The following CCDC112 variants were observed in gnomAD, a reference collection of about 807,000 sequenced individuals.
The protein encoded by CCDC112 is coiled-coil domain containing 112, also known as coiled-coil domain-containing protein 112.
In CCDC112, 40 loss-of-function variants were observed where a neutral mutation model predicts 66.3. The ratio of observed to expected loss-of-function variants is 0.60; its 90% CI spans 0.47 to 0.79. The LOEUF (loss-of-function observed/expected upper bound fraction) is 0.79, where lower values mean the gene tolerates loss of function less well. CCDC112 is among the 30% of genes least tolerant of loss of function. The probability of loss-of-function intolerance (pLI) is 0.00; values close to 1 mark genes in which losing one functional copy is unlikely to be tolerated. For synonymous variants in CCDC112, 214 were observed against 197.2 expected, an observed-to-expected ratio of 1.09 and a Z score of -0.71; for missense variants, 659 against 603.8, an observed-to-expected ratio of 1.09 and a Z score of -0.96.
chr5:115,295,236 TAAC>T (rs1411840649), intron 1 of CCDC112, among the ~76,000 whole-genome samples: 1 of 152,108 alleles, frequency 6.6e-6, no homozygotes, highest in Non-Finnish European at 1.5e-5. Flanking sequence ...TGTGCATCAA[TAAC>T]AACATTAGGC....
At chr5:115,280,640 C>A (rs1312449678) in intron 2 of CCDC112, among the ~76,000 whole-genome samples, 2 of 151,796 alleles carry the variant, frequency 1.3e-5, no homozygotes, top group Admixed American at 6.6e-5. Flanking sequence ...GCAGCCTTGA[C>A]CTCCCTGGCT....
chr5:115,288,777 C>A (rs1428160042), intron 1 of CCDC112, among the ~76,000 whole-genome samples: 1 of 151,992 alleles, frequency 6.6e-6, no homozygotes, highest in Non-Finnish European at 1.5e-5. Context: ...TCTGGTTGTA[C>A]CAAAAAATAA....
At chr5:115,286,131 C>T (rs920176004) in intron 1 of CCDC112, among the ~76,000 whole-genome samples, 5 of 152,196 alleles carry the variant, frequency 3.3e-5, no homozygotes, top group Admixed American at 3.3e-4. Context: ...TTGTAACCAT[C>T]ATGACTACCC....
At chr5:115,269,521 A>C (rs536662012) in intron 8 of CCDC112, 182 bp downstream of exon 8, 1 of 530,628 alleles carries the variant, frequency 1.9e-6, no homozygotes, top group South Asian at 2.5e-5. Flanking sequence ...AAATGACAGA[A>C]TTCAAATAAT....
At chr5:115,290,278 A>G (rs571618032) in intron 1 of CCDC112, among the ~76,000 whole-genome samples, 1 of 152,172 alleles carries the variant, frequency 6.6e-6, no homozygotes, top group Non-Finnish European at 1.5e-5. Flanking sequence ...CCTTTTGAAA[A>G]TCATCTGCCC....
Position 115,267,333 on chromosome 5 carries a change from C to T in CCDC112, c.*543G>A, listed in dbSNP as rs1488943653. On this transcript the variant is annotated 3_prime_UTR_variant, in exon 10 of 10. Transcript: ENST00000379611. Reference sequence around the variant, plus strand: ...GAGACATATTTTTAAAATAAATATTCTCTATATAAAACAAAGCATGCTTCA... The same window carrying T: ...GAGACATATTTTTAAAATAAATATTTTCTATATAAAACAAAGCATGCTTCA... 6.5e-6 allele frequency: 1 copy of T among 152,752 alleles called. No individual in the cohort carries two copies. Among genetic ancestry groups the T allele is most frequent in the African/African-American group, 2.4e-5 (1 of 41,422 alleles). The allele number at this position is 152,752 out of a possible 1,614,324, so 9.5% of individuals were successfully genotyped here.
intron 1 of CCDC112, among the ~76,000 whole-genome samples, chr5:115,292,499 CAG>C (rs905561956): frequency 6.6e-6 from 1 of 152,202 alleles, no homozygotes; most frequent in Admixed American, 6.5e-5. Flanking sequence ...CAGTATTCCT[CAG>C]AGACAGTTCC....
At chr5:115,290,996 A>C (rs1265246985) in intron 1 of CCDC112, among the ~76,000 whole-genome samples, 2 of 152,082 alleles carry the variant, frequency 1.3e-5, no homozygotes, top group East Asian at 1.9e-4. Flanking sequence ...TTCTTGCCTA[A>C]TTGCCCTAGT....
chr5:115,270,521 G>T (rs1393140629), intron 7 of CCDC112, among the ~76,000 whole-genome samples: 2 of 151,878 alleles, frequency 1.3e-5, no homozygotes, highest in Non-Finnish European at 2.9e-5. Context: ...CAATAATCTC[G>T]ATTCCTTTAA....
At chr5:115,286,176 C>T (rs984505971) in intron 1 of CCDC112, among the ~76,000 whole-genome samples, 5 of 152,110 alleles carry the variant, frequency 3.3e-5, no homozygotes, top group African/African-American at 1.2e-4. Context: ...CAAAAAGAAA[C>T]CTCATACCTA....
chr5:115,277,998 C>A (rs1467391622), intron 3 of CCDC112, among the ~76,000 whole-genome samples: 1 of 151,998 alleles, frequency 6.6e-6, no homozygotes, highest in East Asian at 1.9e-4. Context: ...GGTTTGCAGT[C>A]AGTGTGAACA....
At position 115,275,457 on chromosome 5, in the gene CCDC112, G is replaced by C. The variant is rs369831942; in HGVS notation, c.677C>G (p.Pro226Arg). 6.2e-7 allele frequency: 1 copy of C among 1,613,958 alleles called. No homozygotes were observed. The highest frequency in any genetic ancestry group is 8.5e-7 in the Non-Finnish European group (1 of 1,179,946). ...SSKVPVDKVT[P>R]STLPEEVLDF... ...TAGTACCTCTTCTGGAAGAGTACTTGGTGTTACTTTGTCTACAGGAACTTT... is the reference window on the plus strand; with the variant it reads ...TAGTACCTCTTCTGGAAGAGTACTTCGTGTTACTTTGTCTACAGGAACTTT... Residue 226 changes from proline (P) to arginine (R), a missense_variant, in exon 6 of 10, where the codon CCA becomes CGA. Coordinates refer to ENST00000379611, the MANE Select transcript of CCDC112 (RefSeq NM_001040440.3).
At chr5:115,287,119 T>C (rs148243901) in intron 1 of CCDC112, among the ~76,000 whole-genome samples, 158 of 152,342 alleles carry the variant, frequency 1.0e-3, no homozygotes, top group African/African-American at 3.5e-3. Flanking sequence ...TTTTCCACAG[T>C]GGCAGCACCA....
At chr5:115,284,582 T>G (rs1241334846) in intron 2 of CCDC112, among the ~76,000 whole-genome samples, 1 of 152,150 alleles carries the variant, frequency 6.6e-6, no homozygotes, top group African/African-American at 2.4e-5. Context: ...TAAAGAAAAT[T>G]GAAATAACTC....
rs199764447 is a variant in CCDC112, at chr5:115,284,756, T to C, written c.239+31A>G. ...TTGTCCATTATAAAATGGCTAGTAA[T>C]GTTATTTGAAGATTATATTCTTATA... On this transcript the variant is annotated intron_variant, in intron 2 of 9. Coordinates refer to ENST00000379611, the MANE Select transcript of CCDC112 (RefSeq NM_001040440.3). The C allele has an allele frequency of 3.9e-6, 6 of 1,530,280 alleles. No individual in the cohort carries two copies. The Admixed American group carries it at 6.7e-5, about 17-fold the overall frequency. The allele number at this position is 1,530,280 out of a possible 1,614,324, so 94.8% of individuals were successfully genotyped here.
intron 1 of CCDC112, among the ~76,000 whole-genome samples, 186 bp from the exon 2 acceptor site, chr5:115,285,094 C>G (rs561100093): frequency 6.6e-6 from 1 of 152,284 alleles, no homozygotes; most frequent in South Asian, 2.1e-4. Flanking sequence ...GAATATCTAT[C>G]TTAAAATGCT....
chr5:115,281,236 C>T (rs749574279), intron 2 of CCDC112, among the ~76,000 whole-genome samples: 6 of 152,068 alleles, frequency 3.9e-5, no homozygotes, highest in East Asian at 1.9e-4. Context: ...GTTGGCCAGG[C>T]TAGTCTCAAA....
chr5:115,285,293 A>G (rs1749629205), intron 1 of CCDC112, among the ~76,000 whole-genome samples: 1 of 152,206 alleles, frequency 6.6e-6, no homozygotes, highest in South Asian at 2.1e-4. Flanking sequence ...AAACAGATTT[A>G]AAGAGATAAG....
chr5:115,271,656 A>G, intron 6 of CCDC112, 30 bp from the exon 7 acceptor site: 6 of 1,438,392 alleles, frequency 4.2e-6, no homozygotes, highest in Non-Finnish European at 5.5e-6. Flanking sequence ...AAAGAAAGCA[A>G]GAGAAAAAAG....
Sources: gnomAD v4.1 joint callset for allele counts (sites outside exome capture counted in the v4.1 genomes callset) on GRCh38, gnomAD v4.1.1 for gene constraint, MANE v1.5 for transcripts, NCBI Gene and HGNC (gene_info 2026-07-23, HGNC 2026-07-21) for gene names.